The following WDPCP variants were observed in gnomAD, a reference collection of about 807,000 sequenced individuals.
WDPCP encodes the protein WD repeat containing planar cell polarity effector.
Under a neutral mutation model 93.1 loss-of-function variants are expected in WDPCP, and 71 were observed. The ratio of observed to expected loss-of-function variants is 0.76; its 90% CI spans 0.63 to 0.93. WDPCP has a LOEUF of 0.93. WDPCP is among the 40% of genes least tolerant of loss of function. The probability of loss-of-function intolerance (pLI) is 0.00; values close to 1 mark genes in which losing one functional copy is unlikely to be tolerated. For missense variants in WDPCP, 844 were observed against 887.4 expected, an observed-to-expected ratio of 0.95 and a Z score of 0.62; for synonymous variants, 315 against 315.0, an observed-to-expected ratio of 1.00 and a Z score of 0.00.
intron 9 of WDPCP, among the ~76,000 whole-genome samples, chr2:63,417,287 T>C (rs1695504625): frequency 1.3e-5 from 2 of 152,188 alleles, no homozygotes; most frequent in African/African-American, 4.8e-5. Flanking sequence ...ATAGTAAGGA[T>C]GTAGCTTGGA....
At chr2:63,722,339 G>GCCGCC (rs1223735269) in intron 2 of WDPCP, among the ~76,000 whole-genome samples, 1 of 150,314 alleles carries the variant, frequency 6.7e-6, no homozygotes, top group Non-Finnish European at 1.5e-5. Flanking sequence ...TCTCTGCCCG[G>GCCGCC]CCGCCCATCG....
intron 1 of WDPCP, among the ~76,000 whole-genome samples, chr2:63,566,288 C>T (rs1025523184): frequency 2.0e-5 from 3 of 152,194 alleles, no homozygotes; most frequent in Admixed American, 1.3e-4. Context: ...ATCTGATTTG[C>T]GTCCTTTGGA....
upstream of WDPCP, among the ~76,000 whole-genome samples, chr2:63,592,600 C>T (rs1361644408): frequency 6.6e-6 from 1 of 152,224 alleles, no homozygotes; most frequent in South Asian, 2.1e-4. Context: ...CCCGCCTTGT[C>T]CCCCCGCGCA....
chr2:63,167,819 A>T (rs948707079), intron 15 of WDPCP, among the ~76,000 whole-genome samples: 6 of 152,162 alleles, frequency 3.9e-5, no homozygotes, highest in Non-Finnish European at 8.8e-5. Context: ...TTCTGTAGTA[A>T]GCATAGTGAG....
intron 1 of WDPCP, among the ~76,000 whole-genome samples, chr2:63,584,507 TTTTCAATCAATCCAATGGA>T (rs1364864023): frequency 5.1e-4 from 78 of 152,314 alleles, no homozygotes; most frequent in African/African-American, 1.9e-3. Context: ...AATGAATTCA[TTTTCAATCAATCCAATGGA>T]TTTCAATGAA....
chr2:63,454,600 G>A (rs1006166252), intron 6 of WDPCP, among the ~76,000 whole-genome samples: 3 of 152,148 alleles, frequency 2.0e-5, no homozygotes, highest in African/African-American at 7.2e-5. Flanking sequence ...GGAGTTATCA[G>A]TATTCCTGAA....
intron 1 of WDPCP, among the ~76,000 whole-genome samples, chr2:63,529,257 T>C (rs1575588739): frequency 6.6e-6 from 1 of 152,296 alleles, no homozygotes; most frequent in Non-Finnish European, 1.5e-5. Context: ...CTATGTTGAA[T>C]AGGAGTGGTG....
intron 12 of WDPCP, among the ~76,000 whole-genome samples, chr2:63,324,031 A>C (rs1014952520): frequency 2.6e-5 from 4 of 151,860 alleles, no homozygotes; most frequent in African/African-American, 9.7e-5. Flanking sequence ...GACCAATTTG[A>C]CCCACAAACC....
intron 2 of WDPCP, among the ~76,000 whole-genome samples, chr2:63,728,816 T>C (rs1398103740): frequency 6.6e-6 from 1 of 152,184 alleles, no homozygotes; most frequent in Non-Finnish European, 1.5e-5. Flanking sequence ...CAAGGAAATT[T>C]TCAATATACA....
At chr2:63,417,218 C>A (rs1463555202) in intron 9 of WDPCP, among the ~76,000 whole-genome samples, 1 of 152,062 alleles carries the variant, frequency 6.6e-6, no homozygotes, top group Non-Finnish European at 1.5e-5. Flanking sequence ...TAAATAAAAT[C>A]CATATTTGGT....
chr2:63,658,270 C>T (rs555610833), intron 2 of WDPCP, among the ~76,000 whole-genome samples: 1 of 152,260 alleles, frequency 6.6e-6, no homozygotes, highest in South Asian at 2.1e-4. Flanking sequence ...AAGGAGAGTA[C>T]ACAAGGTCCA....
chr2:63,292,072 G>C (rs1406196048), intron 13 of WDPCP, among the ~76,000 whole-genome samples: 7 of 145,300 alleles, frequency 4.8e-5, no homozygotes, highest in Non-Finnish European at 8.9e-5. Flanking sequence ...GGTGGAGCTT[G>C]CAGTGAGCCG....
intron 3 of WDPCP, among the ~76,000 whole-genome samples, chr2:63,596,336 C>T (rs1295620058): frequency 6.6e-6 from 1 of 152,162 alleles, no homozygotes; most frequent in African/African-American, 2.4e-5. Flanking sequence ...AGAAGGGATA[C>T]TCTGCCATCT....
rs1215768867 is a variant in WDPCP at position 63,643,262 on chromosome 2, CA to C, written n.488+7396del. On this transcript the variant is annotated intron_variant and non_coding_transcript_variant, in intron 3 of 4. Coordinates refer to the WDPCP transcript ENST00000467687. ...AGCTTTCTAACATGTCTCTAGAGAC[CA>C]TTTCACCCACTTCTCTGTTTGGCTG... The C allele has an allele frequency of 1.5e-5, 5 of 334,874 alleles. No homozygotes were observed. In the East Asian group the frequency reaches 3.1e-4, roughly 21 times the overall value. The allele number at this position is 334,874 out of a possible 1,614,324, so 20.7% of individuals were successfully genotyped here.
rs1491111427 is a variant in WDPCP at position 63,575,505 on chromosome 2, A to ACAGTGTGTG, written c.75+12691_75+12692insCACACACTG. On this transcript the variant is annotated intron_variant, in intron 1 of 17. Transcript: ENST00000272321. ...TGTATATATAGTATATACAGTATAT[A>ACAGTGTGTG]CACTGTATATATAGTATATACAGTA... 3.6e-4 allele frequency among the ~76,000 whole-genome samples: 5 copies of ACAGTGTGTG among 13,798 alleles called. 1 individual carries two copies. The highest frequency in any genetic ancestry group is 1.9e-3 in the African/African-American group (5 of 2,582). 9.1% of individuals were successfully genotyped at this position (13,798 alleles called of 152,430 possible). A position where few individuals can be genotyped will look rare whatever the true frequency, so the allele number is the denominator to read the frequency against.
intron 14 of WDPCP, among the ~76,000 whole-genome samples, chr2:63,191,746 A>T (rs528385859): frequency 3.6e-4 from 55 of 152,292 alleles, no homozygotes; most frequent in Non-Finnish European, 6.3e-4. Flanking sequence ...GCAGCCCTAC[A>T]TCTGTTTTTT....
At chr2:63,143,908 C>G (rs1281834554) in intron 17 of WDPCP, among the ~76,000 whole-genome samples, 2 of 152,144 alleles carry the variant, frequency 1.3e-5, no homozygotes, top group Non-Finnish European at 2.9e-5. Flanking sequence ...AACCTGATGA[C>G]TATGTGCCTA....
chr2:63,290,922 A>G (rs1684374045), intron 13 of WDPCP, among the ~76,000 whole-genome samples: 1 of 152,194 alleles, frequency 6.6e-6, no homozygotes, highest in African/African-American at 2.4e-5. Flanking sequence ...GTGCCTAGGT[A>G]TTGATTTCTT....
intron 2 of WDPCP, among the ~76,000 whole-genome samples, chr2:63,791,175 G>C (rs1447014341): frequency 1.3e-5 from 2 of 152,032 alleles, no homozygotes; most frequent in Admixed American, 1.3e-4. Flanking sequence ...ACATATAATT[G>C]CTCAATTCCT....
Sources: gnomAD v4.1 joint callset for allele counts (sites outside exome capture counted in the v4.1 genomes callset) on GRCh38, gnomAD v4.1.1 for gene constraint, MANE v1.5 for transcripts, NCBI Gene and HGNC (gene_info 2026-07-23, HGNC 2026-07-21) for gene names.